Variants in MCTP1 observed in about 807,000 individuals in gnomAD.
The protein encoded by MCTP1 is multiple C2 and transmembrane domain containing 1, also known as multiple C2 and transmembrane domain-containing protein 1.
In MCTP1, 69 loss-of-function variants were observed where a neutral mutation model predicts 120.6. The ratio of observed to expected loss-of-function variants is 0.57; its 90% CI spans 0.47 to 0.70. The LOEUF (loss-of-function observed/expected upper bound fraction) is 0.70, where lower values mean the gene tolerates loss of function less well. MCTP1 is among the 30% of genes least tolerant of loss of function. The pLI is 0.00. For missense variants in MCTP1, 1,203 were observed against 1,248.8 expected (o/e 0.96, Z 0.55); for synonymous variants, 529 against 493.1 (o/e 1.07, Z -0.96).
rs1402178821 is a variant in MCTP1 at position 94,924,022 on chromosome 5, C to A, written c.1213-1G>T. 2 of 1,481,332 alleles carry A rather than the reference C, an allele frequency of 1.4e-6. No homozygotes were observed. Among genetic ancestry groups the A allele is most frequent in the Non-Finnish European group, 1.8e-6 (2 of 1,110,386 alleles). 91.8% of individuals were successfully genotyped at this position (1,481,332 alleles called of 1,614,324 possible). On this transcript the variant is annotated splice_acceptor_variant, in intron 6 of 22. Coordinates refer to ENST00000515393, the MANE Select transcript of MCTP1 (RefSeq NM_024717.7). LOFTEE classifies it high-confidence loss of function. ...CAACCACTTCATTTTCTGAAAGTTC[C>A]TAGAAACAAACAAATATTTAGCTAC...
At chr5:95,202,858 G>A (rs1239855828) in intron 1 of MCTP1, among the ~76,000 whole-genome samples, 3 of 152,120 alleles carry the variant, frequency 2.0e-5, no homozygotes, top group Non-Finnish European at 4.4e-5. Flanking sequence ...CTCCTGAGTA[G>A]CTGGGACTAC....
At chr5:95,132,821 A>G (rs562566309) in intron 1 of MCTP1, among the ~76,000 whole-genome samples, 2 of 152,168 alleles carry the variant, frequency 1.3e-5, no homozygotes, top group South Asian at 2.1e-4. Flanking sequence ...TTGGGTGACT[A>G]CTTGATTTAT....
intron 17 of MCTP1, chr5:94,826,777 T>C: frequency 2.4e-5 from 1 of 42,490 alleles, no homozygotes; most frequent in Non-Finnish European, 9.1e-5. Context: ...CCCTGCTTTT[T>C]TTTTTTTTTT....
At chr5:95,171,971 G>A (rs1166480361) in intron 1 of MCTP1, among the ~76,000 whole-genome samples, 1 of 152,164 alleles carries the variant, frequency 6.6e-6, no homozygotes, top group South Asian at 2.1e-4. Context: ...TTCCTTTAAA[G>A]GGGGAGAGGT....
At chr5:94,778,613 G>C (rs1486240502) in intron 19 of MCTP1, among the ~76,000 whole-genome samples, 2 of 152,134 alleles carry the variant, frequency 1.3e-5, no homozygotes, top group Non-Finnish European at 2.9e-5. Flanking sequence ...CCAAACCTCG[G>C]CAAGGGCGGT....
chr5:94,731,871 C>T (rs760100046), intron 19 of MCTP1, among the ~76,000 whole-genome samples: 7 of 152,042 alleles, frequency 4.6e-5, no homozygotes, highest in Non-Finnish European at 7.4e-5. Flanking sequence ...TTTTTACATT[C>T]TTGTTTTTCT....
intron 19 of MCTP1, among the ~76,000 whole-genome samples, chr5:94,749,654 CAAAAAAAAAAAAAA>C (rs57404381): frequency 2.9e-4 from 15 of 50,964 alleles, no homozygotes; most frequent in East Asian, 9.8e-4. Flanking sequence ...GACTTCATCT[CAAAAAAAAAAAAAA>C]AAAAAAAAAA....
intron 1 of MCTP1, among the ~76,000 whole-genome samples, chr5:95,268,691 TG>T (rs1311865107): frequency 1.2e-4 from 18 of 152,216 alleles, no homozygotes; most frequent in African/African-American, 4.1e-4. Flanking sequence ...GGCACATGAC[TG>T]CTCTCTACTA....
chr5:95,147,315 T>C (rs1056245619), intron 1 of MCTP1, among the ~76,000 whole-genome samples: 6 of 152,150 alleles, frequency 3.9e-5, no homozygotes, highest in Non-Finnish European at 8.8e-5. Flanking sequence ...CTCGATCTCC[T>C]GACCTCGTGA....
intron 1 of MCTP1, among the ~76,000 whole-genome samples, chr5:95,189,570 C>G (rs1189165819): frequency 1.3e-5 from 2 of 151,958 alleles, no homozygotes; most frequent in Non-Finnish European, 2.9e-5. Flanking sequence ...CATCTTTGAT[C>G]CTGGTCAGAT....
chr5:95,095,807 C>T (rs1006072718), intron 1 of MCTP1, among the ~76,000 whole-genome samples: 2 of 152,118 alleles, frequency 1.3e-5, no homozygotes, highest in African/African-American at 4.8e-5. Context: ...CTCAATTTGA[C>T]CTTCACTACA....
At chr5:95,147,718 T>C (rs890158576) in intron 1 of MCTP1, among the ~76,000 whole-genome samples, 2 of 152,202 alleles carry the variant, frequency 1.3e-5, no homozygotes, top group African/African-American at 4.8e-5. Flanking sequence ...AGTATTGACA[T>C]GTAAGATTTT....
At chr5:94,749,133 A>G (rs983729627) in intron 19 of MCTP1, among the ~76,000 whole-genome samples, 11 of 152,318 alleles carry the variant, frequency 7.2e-5, no homozygotes, top group East Asian at 5.8e-4. Context: ...ACAAACCTTG[A>G]AAGTTCAGAA....
chr5:94,798,335 G>C (rs1299522082), intron 18 of MCTP1, among the ~76,000 whole-genome samples: 1 of 152,104 alleles, frequency 6.6e-6, no homozygotes, highest in Non-Finnish European at 1.5e-5. Flanking sequence ...TGTGATTATA[G>C]TGTGGGCAGC....
intron 1 of MCTP1, among the ~76,000 whole-genome samples, chr5:95,221,013 C>G (rs981045218): frequency 3.3e-5 from 5 of 152,134 alleles, no homozygotes; most frequent in African/African-American, 1.2e-4. Context: ...TAAAATAAGA[C>G]CAAAACATTT....
At chr5:94,769,627 A>T (rs745494763) in intron 19 of MCTP1, among the ~76,000 whole-genome samples, 2 of 152,194 alleles carry the variant, frequency 1.3e-5, no homozygotes, top group Non-Finnish European at 2.9e-5. Context: ...GAAGCACAGA[A>T]CCAATAAAAT....
At chr5:94,850,682 G>T (rs1793507863) in intron 17 of MCTP1, among the ~76,000 whole-genome samples, 1 of 152,046 alleles carries the variant, frequency 6.6e-6, no homozygotes, top group Non-Finnish European at 1.5e-5. Flanking sequence ...TCTTTTGAAG[G>T]TTTCTTTTCT....
intron 18 of MCTP1, among the ~76,000 whole-genome samples, chr5:94,796,623 AATATATATT>A (rs1213559171): frequency 2.9e-4 from 27 of 92,690 alleles, no homozygotes; most frequent in African/African-American, 7.8e-4. Context: ...TAATATATAT[AATATATATT>A]ATATATGTAA....
At chr5:94,973,758 A>C (rs1422150932) in intron 2 of MCTP1, among the ~76,000 whole-genome samples, 5 of 152,124 alleles carry the variant, frequency 3.3e-5, no homozygotes, top group African/African-American at 1.2e-4. Context: ...GAGATTGCTT[A>C]GTATATTTCT....
Sources: gnomAD v4.1 joint callset for allele counts (sites outside exome capture counted in the v4.1 genomes callset) on GRCh38, gnomAD v4.1.1 for gene constraint, MANE v1.5 for transcripts, NCBI Gene and HGNC (gene_info 2026-07-23, HGNC 2026-07-21) for gene names.